Variants in MACROH2A1 observed in about 807,000 individuals in gnomAD.
The protein encoded by MACROH2A1 is macroH2A.1 histone, also known as core histone macro-H2A.1.
In MACROH2A1, 2 loss-of-function variants were observed where a neutral mutation model predicts 31.6. That is an observed-to-expected ratio of 0.06 (90% CI 0.03 to 0.20). The LOEUF (loss-of-function observed/expected upper bound fraction) is 0.20, where lower values mean the gene tolerates loss of function less well. Ranked by LOEUF, MACROH2A1 falls within the 10% of genes least tolerant of loss-of-function variation. The probability of loss-of-function intolerance (pLI) is 1.00; values close to 1 mark genes in which losing one functional copy is unlikely to be tolerated. For missense variants in MACROH2A1, 230 were observed against 474.0 expected (o/e 0.49, Z 4.78); for synonymous variants, 169 against 189.6 (o/e 0.89, Z 0.89).
intron 2 of MACROH2A1, among the ~76,000 whole-genome samples, chr5:135,371,219 C>T (rs989971478): frequency 3.3e-5 from 5 of 151,814 alleles, no homozygotes; most frequent in Non-Finnish European, 5.9e-5. Flanking sequence ...GGGGTCGGGG[C>T]GAATGTTGGT....
At chr5:135,337,962 T>C (rs1162101025) in intron 8 of MACROH2A1, 1 of 1,210,446 alleles carries the variant, frequency 8.3e-7, no homozygotes, top group Admixed American at 2.8e-5. Context: ...AACCCTGCTA[T>C]GGGACTGTGG....
chr5:135,382,171 C>G lies in MACROH2A1; in HGVS notation c.172+6751G>C, dbSNP rs183780498. 1.4e-4 allele frequency among the ~76,000 whole-genome samples: 22 copies of G among 152,148 alleles called. 1 individual carries two copies. Among genetic ancestry groups the G allele is most frequent in the Admixed American group, 1.3e-3 (20 of 15,264 alleles). On this transcript the variant is annotated intron_variant, in intron 2 of 8. Transcript: ENST00000511689. ...CTGTTGGCCCAAGCAAAAGAAGAACCCTTCATATGGAACTTGTCTACCAGA... is the reference window on the plus strand; with the variant it reads ...CTGTTGGCCCAAGCAAAAGAAGAACGCTTCATATGGAACTTGTCTACCAGA...
chr5:135,353,011 G>A lies in MACROH2A1; in HGVS notation c.623C>T (p.Ala208Val), dbSNP rs756314588. The A allele has an allele frequency of 1.2e-6, 2 of 1,608,340 alleles. No individual in the cohort carries two copies. The highest frequency in any genetic ancestry group is 2.2e-5 in the South Asian group (2 of 90,954). ...GATTATGGCCTCCACCTCAAAGCCG[G>A]CTAAATTACTGATTTCACTGTGAAT... is the stretch of plus-strand genomic sequence containing the variant. Reference protein sequence around the residue: ...NLIHSEISNLAGFEVEAIINP... With the variant: ...NLIHSEISNLVGFEVEAIINP... Residue 208 changes from alanine (A) to valine (V), a missense_variant, in exon 6 of 9, where the codon GCC (alanine) becomes GTC (valine). Physicochemically the swap from Ala to Val is moderately conservative, Grantham distance 64. Around this residue, in one of 2 missense-constraint regions of MACROH2A1, gnomAD observed 183 missense variants for 319.3 expected, o/e 0.57. Transcript: ENST00000511689.
chr5:135,339,660 C>T (rs929042549), intron 8 of MACROH2A1, among the ~76,000 whole-genome samples: 5 of 152,194 alleles, frequency 3.3e-5, no homozygotes, highest in Admixed American at 1.3e-4. Context: ...AGGTCCCCCT[C>T]GCACTGTGCT....
At chr5:135,385,531 G>A (rs777249654) in intron 2 of MACROH2A1, among the ~76,000 whole-genome samples, 12 of 152,160 alleles carry the variant, frequency 7.9e-5, no homozygotes, top group Non-Finnish European at 1.0e-4. Flanking sequence ...GCACAATGTC[G>A]GGGTCACATC....
chr5:135,395,031 G>C (rs1452550215), intron 1 of MACROH2A1, among the ~76,000 whole-genome samples: 4 of 152,116 alleles, frequency 2.6e-5, no homozygotes, highest in African/African-American at 4.8e-5. Flanking sequence ...TCAAAATTCA[G>C]GGAGCTTGTA....
At chr5:135,381,205 A>G (rs1039939201) in intron 2 of MACROH2A1, among the ~76,000 whole-genome samples, 2 of 152,226 alleles carry the variant, frequency 1.3e-5, no homozygotes, top group African/African-American at 4.8e-5. Flanking sequence ...ATCTCCCACC[A>G]TATCACATGG....
chr5:135,352,550 A>G (rs1761713253), intron 6 of MACROH2A1, among the ~76,000 whole-genome samples: 1 of 152,236 alleles, frequency 6.6e-6, no homozygotes, highest in Non-Finnish European at 1.5e-5. Flanking sequence ...AAGCTTTGTC[A>G]TTTCTAATTA....
intron 2 of MACROH2A1, among the ~76,000 whole-genome samples, chr5:135,385,075 G>A (rs946205873): frequency 1.3e-5 from 2 of 152,196 alleles, no homozygotes; most frequent in African/African-American, 4.8e-5. Flanking sequence ...CTCTCCCACA[G>A]GGGCCTTTGG....
intron 8 of MACROH2A1, among the ~76,000 whole-genome samples, chr5:135,336,171 G>A (rs558449299): frequency 6.6e-6 from 1 of 152,318 alleles, no homozygotes; most frequent in Non-Finnish European, 1.5e-5. Context: ...CCAGGTGGAG[G>A]GGTTTCCAGA....
intron 1 of MACROH2A1, among the ~76,000 whole-genome samples, chr5:135,391,414 G>A (rs1039038951): frequency 1.3e-5 from 2 of 152,146 alleles, no homozygotes; most frequent in Non-Finnish European, 2.9e-5. Context: ...GCCTATGTGG[G>A]AACTGGACAG....
At chr5:135,356,130 A>G (rs2149788537) in intron 5 of MACROH2A1, 1 of 152,348 alleles carries the variant, frequency 6.6e-6, no homozygotes, top group Non-Finnish European at 1.5e-5. Context: ...GAGGAATTTA[A>G]AGCAGCTATG....
At chr5:135,340,078 G>A (rs902505364) in intron 8 of MACROH2A1, among the ~76,000 whole-genome samples, 2 of 152,184 alleles carry the variant, frequency 1.3e-5, no homozygotes, top group Non-Finnish European at 2.9e-5. Context: ...GCAGGGGGCA[G>A]TCCTATGGTG....
rs568334818 is a variant in MACROH2A1, at chr5:135,364,665, T to C, written c.478-4058A>G. On this transcript the variant is annotated intron_variant, in intron 4 of 8. Transcript: ENST00000511689. ...CAGCTGGGAGACATTTAAGAAACTG[T>C]AGAACTGAGCATCCAGAAAGACTTA... Among the ~76,000 whole-genome samples the C allele has an allele frequency of 7.2e-5, 11 of 152,320 alleles. No individual in the cohort carries two copies. In the South Asian group the frequency reaches 2.3e-3, roughly 32 times the overall value.
intron 4 of MACROH2A1, chr5:135,362,059 T>C (rs1009052909): frequency 4.6e-5 from 7 of 152,248 alleles, no homozygotes; most frequent in African/African-American, 1.7e-4. Flanking sequence ...TCAACAATTA[T>C]ATGGTAAATC....
intron 1 of MACROH2A1, among the ~76,000 whole-genome samples, chr5:135,390,673 C>A (rs896051621): frequency 6.6e-6 from 1 of 152,140 alleles, no homozygotes; most frequent in Admixed American, 6.5e-5. Context: ...GTGTTTGGGG[C>A]CTTCCAGCAC....
chr5:135,350,628 A>G, intron 6 of MACROH2A1: 1 of 512,882 alleles, frequency 1.9e-6, no homozygotes, highest in Admixed American at 3.6e-5. Context: ...GAGCTGCATC[A>G]GCCAGGATGC....
intron 1 of MACROH2A1, among the ~76,000 whole-genome samples, chr5:135,391,824 C>T (rs1394814160): frequency 1.3e-5 from 2 of 152,226 alleles, no homozygotes; most frequent in Non-Finnish European, 2.9e-5. Context: ...CTTCTCATCA[C>T]CCTCCCTGCG....
At chr5:135,353,130 T>A in intron 5 of MACROH2A1, 85 bp from the exon 6 acceptor site, 2 of 851,650 alleles carry the variant, frequency 2.3e-6, no homozygotes, top group South Asian at 1.4e-5. Flanking sequence ...TAAAGGACAG[T>A]GGACACTCCA....
Sources: allele counts gnomAD v4.1 joint callset (sites outside exome capture counted in the v4.1 genomes callset), GRCh38; gene constraint gnomAD v4.1.1; regional missense constraint gnomAD v4.1.1; transcripts MANE v1.5; gene names NCBI Gene and HGNC (gene_info 2026-07-23, HGNC 2026-07-21).